Variants in BMPR2 observed in about 807,000 individuals in gnomAD.
BMPR2 encodes bone morphogenetic protein receptor type 2.
BMPR2 carries 29 observed loss-of-function variants against 100.8 expected under a neutral mutation model. The ratio of observed to expected loss-of-function variants is 0.29; its 90% CI spans 0.21 to 0.39. BMPR2 has a LOEUF of 0.39. Among genes scored for constraint, BMPR2 ranks in the 10% least tolerant of loss-of-function variants. The pLI is 1.00. For missense variants in BMPR2, 1,011 were observed against 1,274.5 expected, an observed-to-expected ratio of 0.79 and a Z score of 3.15; for synonymous variants, 382 against 442.3, an observed-to-expected ratio of 0.86 and a Z score of 1.71.
intron 9 of BMPR2, among the ~76,000 whole-genome samples, chr2:202,534,204 ATG>A: frequency 7.1e-6 from 1 of 141,706 alleles, no homozygotes; most frequent in South Asian, 2.1e-4. Flanking sequence ...ACACATATAT[ATG>A]TATCGTGTGT....
intron 3 of BMPR2, among the ~76,000 whole-genome samples, chr2:202,484,470 C>G (rs894143329): frequency 4.0e-5 from 6 of 150,576 alleles, no homozygotes; most frequent in Non-Finnish European, 8.9e-5. Context: ...GTCAGGAGAT[C>G]GAGACCATCC....
intron 11 of BMPR2, among the ~76,000 whole-genome samples, chr2:202,554,579 C>T: frequency 6.6e-6 from 1 of 152,050 alleles, no homozygotes; most frequent in Non-Finnish European, 1.5e-5. Flanking sequence ...CTGTCACTCC[C>T]AAGGAATGAC....
intron 1 of BMPR2, among the ~76,000 whole-genome samples, chr2:202,413,695 C>A (rs1007814246): frequency 1.3e-5 from 2 of 151,294 alleles, no homozygotes; most frequent in African/African-American, 4.9e-5. Context: ...GATAGGGTCT[C>A]ACTCTGTTGC....
intron 9 of BMPR2, among the ~76,000 whole-genome samples, chr2:202,539,612 T>C (rs937131188): frequency 2.6e-5 from 4 of 152,132 alleles, no homozygotes; most frequent in Non-Finnish European, 5.9e-5. Flanking sequence ...TGAAGGTTAC[T>C]TCTCTATAAA....
intron 11 of BMPR2, among the ~76,000 whole-genome samples, chr2:202,553,893 A>T (rs1477586213): frequency 2.6e-5 from 4 of 152,122 alleles, no homozygotes; most frequent in Admixed American, 6.5e-5. Context: ...TCACCATGTT[A>T]GCCAGACTGG....
In BMPR2 at chr2:202,555,929, C is replaced by T. The variant is rs1193492943; in HGVS notation, c.2264C>T (p.Pro755Leu). Residue 755 changes from proline (P) to leucine (L), a missense_variant, in exon 12 of 13, where the codon CCT becomes CTT. Coordinates refer to ENST00000374580, the MANE Select transcript of BMPR2 (RefSeq NM_001204.7). ...LPKQQNLPKR[P>L]TSLPLNTKNS... The stretch of plus-strand genomic sequence containing the variant: ...AAGCAGCAGAACCTTCCCAAGAGAC[C>T]TACTAGTTTGCCTTTGAACACCAAA... The T allele has an allele frequency of 6.2e-7, 1 of 1,614,160 alleles. No individual in the cohort carries two copies. The highest frequency in any genetic ancestry group is 1.3e-5 in the African/African-American group (1 of 75,038).
chr2:202,485,969 T>A (rs571776886), intron 3 of BMPR2, among the ~76,000 whole-genome samples: 1 of 152,174 alleles, frequency 6.6e-6, no homozygotes, highest in South Asian at 2.1e-4. Flanking sequence ...AGGGCAGTTC[T>A]CTAAAGAACT....
At chr2:202,451,144 A>G (rs1691970589) in intron 1 of BMPR2, among the ~76,000 whole-genome samples, 1 of 152,160 alleles carries the variant, frequency 6.6e-6, no homozygotes. Context: ...TGACTCTTGT[A>G]TTTTTAGATA....
chr2:202,558,172 A>G (rs1444688431), intron 12 of BMPR2, among the ~76,000 whole-genome samples: 1 of 152,094 alleles, frequency 6.6e-6, no homozygotes, highest in African/African-American at 2.4e-5. Context: ...TTTAAAACTT[A>G]GTTTGGTGTG....
chr2:202,497,978 T>A (rs185881866), intron 3 of BMPR2, among the ~76,000 whole-genome samples: 19 of 152,268 alleles, frequency 1.2e-4, no homozygotes, highest in African/African-American at 4.6e-4. Context: ...CAAAAGCTAT[T>A]CCTGAAGCTA....
In BMPR2 at chr2:202,503,451, T is replaced by C. The variant is rs1398524324; in HGVS notation, c.419-10268T>C. ...GGCCAGCCGGAGTTCCGGTTGGGCA[T>C]GGGCTTGGCGGGCCCCGCACTCGGA... On this transcript the variant is annotated intron_variant, in intron 3 of 12. Coordinates refer to ENST00000374580, the MANE Select transcript of BMPR2 (RefSeq NM_001204.7). This position sits in a 1 kb window ranked among gnomAD's most constrained non-coding sequence, Gnocchi z 4.0. 6.6e-6 allele frequency among the ~76,000 whole-genome samples: 1 copy of C among 152,236 alleles called. No individual in the cohort carries two copies. The highest frequency in any genetic ancestry group is 1.5e-5 in the Non-Finnish European group (1 of 68,034).
chr2:202,499,821 C>T (rs1687337748), intron 3 of BMPR2, among the ~76,000 whole-genome samples: 1 of 152,144 alleles, frequency 6.6e-6, no homozygotes, highest in Non-Finnish European at 1.5e-5. Flanking sequence ...AAAGCGAGAT[C>T]AGAGAAAGGC....
intron 1 of BMPR2, among the ~76,000 whole-genome samples, chr2:202,438,842 C>G (rs1691671100): frequency 6.6e-6 from 1 of 150,600 alleles, no homozygotes; most frequent in Non-Finnish European, 1.5e-5. Context: ...TATTTCAGTA[C>G]CACACTGTGC....
chr2:202,556,657 C>A (rs1688578335), intron 12 of BMPR2, 126 bp downstream of exon 12: 8 of 1,236,088 alleles, frequency 6.5e-6, no homozygotes, highest in Non-Finnish European at 9.1e-6. Context: ...TGTAAATGAT[C>A]CATTTGAGGC....
chr2:202,426,174 G>C (rs1691380121), intron 1 of BMPR2, among the ~76,000 whole-genome samples: 1 of 152,220 alleles, frequency 6.6e-6, no homozygotes, highest in Non-Finnish European at 1.5e-5. Flanking sequence ...CTTAGGCCCT[G>C]AGTGATTAGG....
At chr2:202,534,165 A>AGT (rs1054342436) in intron 9 of BMPR2, among the ~76,000 whole-genome samples, 11 of 149,630 alleles carry the variant, frequency 7.4e-5, no homozygotes, top group East Asian at 3.9e-4. Flanking sequence ...ATATATATCA[A>AGT]GTGTGTGTAT....
Position 202,391,602 on chromosome 2 carries a change from C to CT in BMPR2, c.76+14061dup, listed in dbSNP as rs768593831. ...CCAACACACCTGACCAGTGTACACTCTTTTTTTTTGGAGACAGGCTGTCAC... is the reference window on the plus strand; with the variant it reads ...CCAACACACCTGACCAGTGTACACTCTTTTTTTTTTGGAGACAGGCTGTCAC... On this transcript the variant is annotated intron_variant, in intron 1 of 12. Transcript: ENST00000374580. Among the ~76,000 whole-genome samples the CT allele has an allele frequency of 3.9e-3, 578 of 147,404 alleles. 5 individuals are homozygous for CT. Among genetic ancestry groups the CT allele is most frequent in the Non-Finnish European group, 7.4e-3 (496 of 66,630 alleles).
intron 1 of BMPR2, among the ~76,000 whole-genome samples, chr2:202,395,124 C>T (rs1346096660): frequency 6.6e-6 from 1 of 152,114 alleles, no homozygotes. Flanking sequence ...TCTCGTGGTT[C>T]ACCCGCCTCG....
intron 1 of BMPR2, among the ~76,000 whole-genome samples, chr2:202,380,628 C>CT (rs34657186): frequency 0.013 from 1,826 of 135,964 alleles, 21 homozygotes; most frequent in African/African-American, 0.033. Flanking sequence ...GGATTTCTTT[C>CT]TTTTTTTTTT....
Sources: allele counts gnomAD v4.1 joint callset (sites outside exome capture counted in the v4.1 genomes callset), GRCh38; gene constraint gnomAD v4.1.1; non-coding constraint Gnocchi (gnomAD v3.1); transcripts MANE v1.5; gene names NCBI Gene and HGNC (gene_info 2026-07-23, HGNC 2026-07-21).